ADARB2: variants seen among roughly 807,000 people sequenced by gnomAD.
ADARB2 encodes the protein adenosine deaminase RNA specific B2 (inactive), also known as inactive double-stranded RNA-specific editase B2.
Under a neutral mutation model 62.2 loss-of-function variants are expected in ADARB2, and 25 were observed. That is an observed-to-expected ratio of 0.40 (90% CI 0.29 to 0.56). ADARB2 has a LOEUF of 0.56. Among genes scored for constraint, ADARB2 ranks in the 20% least tolerant of loss-of-function variants. ADARB2 has a pLI of 0.43. For missense variants in ADARB2, 1,071 were observed against 1,077.4 expected (o/e 0.99, Z 0.08); for synonymous variants, 572 against 500.8 (o/e 1.14, Z -1.90).
At chr10:1,274,911 G>A (rs1831299610) in intron 3 of ADARB2, among the ~76,000 whole-genome samples, 1 of 152,204 alleles carries the variant, frequency 6.6e-6, no homozygotes, top group Non-Finnish European at 1.5e-5. Flanking sequence ...CTGCCTCTGG[G>A]TGCAGGCTGG....
chr10:1,411,671 C>T (rs1832760929), intron 1 of ADARB2, among the ~76,000 whole-genome samples: 1 of 152,136 alleles, frequency 6.6e-6, no homozygotes, highest in Non-Finnish European at 1.5e-5. Flanking sequence ...CACAGAGACC[C>T]CACAGTGTGT....
rs558482634 is a variant in ADARB2 at position 1,595,119 on chromosome 10, T to G, written c.100+141932A>C. Among the ~76,000 whole-genome samples the G allele has an allele frequency of 7.9e-5, 12 of 152,316 alleles. No individual in the cohort carries two copies. The East Asian group carries it at 1.5e-3, about 20-fold the overall frequency. ...CTGAATGTCATACGGAAGCTGAGGC[T>G]TGGGAACGGTGCACTTATAACATAG... On this transcript the variant is annotated intron_variant, in intron 1 of 9. Coordinates refer to ENST00000381312, the MANE Select transcript of ADARB2 (RefSeq NM_018702.4).
intron 1 of ADARB2, among the ~76,000 whole-genome samples, chr10:1,698,677 A>G (rs1015655058): frequency 2.0e-5 from 3 of 152,232 alleles, no homozygotes; most frequent in African/African-American, 2.4e-5. Context: ...TTAAAGGTGG[A>G]GCAGAACATT....
intron 1 of ADARB2, among the ~76,000 whole-genome samples, chr10:1,619,173 G>A (rs987910602): frequency 2.1e-4 from 32 of 151,796 alleles, no homozygotes; most frequent in Admixed American, 7.2e-4. Context: ...AATATGAATG[G>A]TCTAAACACC....
At chr10:1,532,533 G>T (rs1832259005) in intron 1 of ADARB2, among the ~76,000 whole-genome samples, 1 of 152,136 alleles carries the variant, frequency 6.6e-6, no homozygotes, top group African/African-American at 2.4e-5. Flanking sequence ...GCATTGACCA[G>T]GGGAAGGTGC....
Position 1,585,115 on chromosome 10 carries a change from G to A in ADARB2, c.100+151936C>T, listed in dbSNP as rs115422243. On this transcript the variant is annotated intron_variant, in intron 1 of 9. Coordinates refer to ENST00000381312, the MANE Select transcript of ADARB2 (RefSeq NM_018702.4). ...AACCCTAATGTAAACTGTGAACTCT[G>A]GGTGGGTGGTGGTGATTGTCAATGT... Among the ~76,000 whole-genome samples the A allele has an allele frequency of 3.0e-3, 459 of 152,224 alleles. 3 individuals are homozygous for A. The highest frequency in any genetic ancestry group is 0.011 in the African/African-American group (440 of 41,544).
chr10:1,715,270 ATTT>A (rs1377783444), intron 1 of ADARB2, among the ~76,000 whole-genome samples: 1 of 151,586 alleles, frequency 6.6e-6, no homozygotes, highest in Non-Finnish European at 1.5e-5. Flanking sequence ...TTATCCCCAG[ATTT>A]TTCCAGTCTA....
chr10:1,212,922 T>C (rs1032422906), intron 7 of ADARB2, among the ~76,000 whole-genome samples: 32 of 151,338 alleles, frequency 2.1e-4, no homozygotes, highest in Non-Finnish European at 8.8e-5. Flanking sequence ...CCCTTGGAGG[T>C]CAGAACTCAG....
intron 1 of ADARB2, among the ~76,000 whole-genome samples, chr10:1,396,776 T>G (rs1482455952): frequency 1.2e-4 from 3 of 25,470 alleles, no homozygotes; most frequent in East Asian, 1.4e-3. Flanking sequence ...GTCACTGTCC[T>G]CCTCTCCCCT....
At chr10:1,414,383 G>C (rs553190090) in intron 1 of ADARB2, among the ~76,000 whole-genome samples, 1 of 152,298 alleles carries the variant, frequency 6.6e-6, no homozygotes, top group South Asian at 2.1e-4. Context: ...CTACCCTGAC[G>C]TACCGTAATC....
chr10:1,424,137 T>A (rs1253168268), intron 1 of ADARB2, among the ~76,000 whole-genome samples: 1 of 152,216 alleles, frequency 6.6e-6, no homozygotes, highest in Non-Finnish European at 1.5e-5. Flanking sequence ...GTCTACTACG[T>A]ATACAGTGGG....
intron 4 of ADARB2, among the ~76,000 whole-genome samples, chr10:1,248,174 C>G (rs755154603): frequency 7.2e-5 from 11 of 152,162 alleles, no homozygotes; most frequent in African/African-American, 9.7e-5. Context: ...GCTGACCAAA[C>G]AGGAAGCTCT....
intron 1 of ADARB2, among the ~76,000 whole-genome samples, chr10:1,695,417 T>G (rs1288141097): frequency 6.6e-6 from 1 of 152,216 alleles, no homozygotes; most frequent in African/African-American, 2.4e-5. Flanking sequence ...AGTGACGGTT[T>G]TCTTCCTTTT....
intron 1 of ADARB2, among the ~76,000 whole-genome samples, chr10:1,408,669 T>A (rs570339664): frequency 5.6e-4 from 86 of 152,292 alleles, no homozygotes; most frequent in African/African-American, 2.0e-3. Context: ...CTTTGACCTG[T>A]CCTTGTTGGT....
intron 1 of ADARB2, among the ~76,000 whole-genome samples, chr10:1,611,780 A>G (rs1318611943): frequency 6.6e-6 from 1 of 152,048 alleles, no homozygotes; most frequent in African/African-American, 2.4e-5. Context: ...CAGCGATGAG[A>G]TTTTTTTTGT....
chr10:1,373,721 A>T (rs1464126683), intron 2 of ADARB2, among the ~76,000 whole-genome samples: 1 of 152,154 alleles, frequency 6.6e-6, no homozygotes, highest in Admixed American at 6.5e-5. Flanking sequence ...GGCTCACACC[A>T]CACTTCTTCT....
intron 1 of ADARB2, among the ~76,000 whole-genome samples, chr10:1,496,003 A>G (rs1046887431): frequency 2.0e-5 from 3 of 151,064 alleles, no homozygotes; most frequent in African/African-American, 7.3e-5. Flanking sequence ...TCATCATCAT[A>G]GTCATCATCA....
chr10:1,184,953 T>C lies in ADARB2; in HGVS notation c.1951A>G (p.Ile651Val). 1 of 1,613,896 alleles carries C rather than the reference T, an allele frequency of 6.2e-7. No homozygotes were observed. ...CTCCTCCGCCCAGTGGTGGCGTTGA[T>C]AATCTCCAGGTCCGCGCTGCCCACG... ...WVVGSADLEI[I>V]NATTGRRSCG... The change falls in exon 9 of 10, where the codon ATC (isoleucine) becomes GTC (valine). Residue 651 changes from isoleucine to valine, a missense_variant. Physicochemically the swap from Ile to Val is conservative, Grantham distance 29. Transcript: ENST00000381312.
At chr10:1,206,762 C>T (rs922413350) in intron 7 of ADARB2, among the ~76,000 whole-genome samples, 1 of 152,140 alleles carries the variant, frequency 6.6e-6, no homozygotes, top group East Asian at 1.9e-4. Context: ...TGCTGAGCAT[C>T]CCAGGTCCCC....
Sources: allele counts gnomAD v4.1 joint callset (sites outside exome capture counted in the v4.1 genomes callset), GRCh38; gene constraint gnomAD v4.1.1; transcripts MANE v1.5; gene names NCBI Gene and HGNC (gene_info 2026-07-23, HGNC 2026-07-21).